The following GRHL2 variants were observed in gnomAD, a reference collection of about 807,000 sequenced individuals.
GRHL2 encodes grainyhead-like protein 2 homolog.
In GRHL2, 21 loss-of-function variants were observed where a neutral mutation model predicts 83.8. That is an observed-to-expected ratio of 0.25 (90% CI 0.18 to 0.36). The LOEUF (loss-of-function observed/expected upper bound fraction) is 0.36. GRHL2 is among the 10% of genes least tolerant of loss of function. The pLI is 1.00. For synonymous variants in GRHL2, 280 were observed against 278.9 expected (o/e 1.00, Z -0.04); for missense variants, 623 against 781.8 (o/e 0.80, Z 2.42).
chr8:101,624,179 CACAGTACACAGTAGG>C (rs1813028565), intron 9 of GRHL2, among the ~76,000 whole-genome samples: 1 of 121,370 alleles, frequency 8.2e-6, no homozygotes. Context: ...GTTCACAGTA[CACAGTACACAGTAGG>C]ACAGTACACA....
Position 101,519,980 on chromosome 8 carries a change from A to T in GRHL2, c.21-23261A>T, listed in dbSNP as rs540363645. Among the ~76,000 whole-genome samples, 3 of 152,342 alleles carry T rather than the reference A, an allele frequency of 2.0e-5. No homozygotes were observed. The South Asian group carries it at 6.2e-4, about 32-fold the overall frequency. On this transcript the variant is annotated intron_variant, in intron 1 of 15. Coordinates refer to ENST00000646743, the MANE Select transcript of GRHL2 (RefSeq NM_024915.4). ...TCCATTAGAAGCCCATCTAAATTTT[A>T]ATCAGGCAAACTCAAGTTTAATTGG...
chr8:101,585,298 TAACTC>T (rs1333740652), intron 7 of GRHL2, among the ~76,000 whole-genome samples: 1 of 152,216 alleles, frequency 6.6e-6, no homozygotes, highest in African/African-American at 2.4e-5. Flanking sequence ...CCTTTAAAAA[TAACTC>T]AAGTAAATAG....
chr8:101,548,339 C>T (rs1034355207), intron 2 of GRHL2, among the ~76,000 whole-genome samples: 1 of 152,188 alleles, frequency 6.6e-6, no homozygotes, highest in African/African-American at 2.4e-5. Flanking sequence ...AAACCTATAA[C>T]CATGGTTTAT....
the GRHL2 span, among the ~76,000 whole-genome samples, chr8:101,674,961 A>C: frequency 2.6e-4 from 40 of 152,192 alleles, no homozygotes; most frequent in Non-Finnish European, 5.0e-4. Context: ...CAAAAACCAC[A>C]TGATTATCTC....
At chr8:101,563,718 T>TG (rs199699112) in intron 4 of GRHL2, among the ~76,000 whole-genome samples, 10 of 151,640 alleles carry the variant, frequency 6.6e-5, no homozygotes, top group African/African-American at 2.4e-4. Context: ...TATTTTTTTT[T>TG]TGTTTTTTTT....
In GRHL2 at chr8:101,563,717, T is replaced by G. The variant is rs145014419; in HGVS notation, c.678+4905T>G. On this transcript the variant is annotated intron_variant, in intron 4 of 15. Coordinates refer to ENST00000646743, the MANE Select transcript of GRHL2 (RefSeq NM_024915.4). ...AAATAGTTAGCAAACTTATTTTTTT[T>G]TTGTTTTTTTTTGTTTTTTTGTTTT... Among the ~76,000 whole-genome samples, 231 of 151,770 alleles carry G rather than the reference T, an allele frequency of 1.5e-3. 3 individuals are homozygous for G. The highest frequency in any genetic ancestry group is 4.9e-3 in the African/African-American group (201 of 41,144).
intron 1 of GRHL2, among the ~76,000 whole-genome samples, chr8:101,527,752 C>T (rs928263539): frequency 3.9e-5 from 6 of 152,150 alleles, no homozygotes; most frequent in African/African-American, 1.4e-4. Context: ...TGAGTGGAAT[C>T]GTTTTTGAAT....
At chr8:101,594,808 T>C (rs1437453669) in intron 7 of GRHL2, among the ~76,000 whole-genome samples, 2 of 152,218 alleles carry the variant, frequency 1.3e-5, no homozygotes, top group Non-Finnish European at 2.9e-5. Flanking sequence ...CCTATGAGTA[T>C]GATATTAAGA....
At chr8:101,606,733 C>T (rs1269247203) in intron 8 of GRHL2, among the ~76,000 whole-genome samples, 4 of 152,158 alleles carry the variant, frequency 2.6e-5, no homozygotes, top group African/African-American at 9.7e-5. Flanking sequence ...ATAGAAAACC[C>T]AGCTCTCTTC....
intron 4 of GRHL2, among the ~76,000 whole-genome samples, chr8:101,565,237 G>A (rs935414023): frequency 1.3e-5 from 2 of 152,008 alleles, no homozygotes; most frequent in African/African-American, 2.4e-5. Flanking sequence ...CAATGGAGTG[G>A]TATTTAAGAC....
At chr8:101,502,429 AC>A (rs1810249386) in intron 1 of GRHL2, among the ~76,000 whole-genome samples, 1 of 152,166 alleles carries the variant, frequency 6.6e-6, no homozygotes, top group Non-Finnish European at 1.5e-5. Context: ...CAGATGGCAG[AC>A]TTTTGGAAGG....
chr8:101,655,459 G>A (rs1367119267), intron 14 of GRHL2, among the ~76,000 whole-genome samples: 1 of 152,158 alleles, frequency 6.6e-6, no homozygotes, highest in South Asian at 2.1e-4. Context: ...CAACAAAGAG[G>A]AATGTAATTA....
Position 101,619,540 on chromosome 8 carries a change from T to C in GRHL2, c.1100T>C (p.Ile367Thr). ...FTWDVNEEAK[I>T]FITVNCLSTD... is the part of the protein sequence containing the mutation. ...ACTTTTTCTTTCTCTTTCCCTCAGA[T>C]TTTCATCACCGTGAATTGCTTGAGC... The change falls in exon 9 of 16, where the codon ATT (isoleucine) becomes ACT (threonine). Residue 367 changes from isoleucine to threonine, a missense_variant and splice_region_variant. Transcript: ENST00000646743. 6.2e-7 allele frequency: 1 copy of C among 1,613,778 alleles called. No homozygotes were observed. Among genetic ancestry groups the C allele is most frequent in the Non-Finnish European group, 8.5e-7 (1 of 1,179,850 alleles).
At chr8:101,522,032 G>C (rs1323947179) in intron 1 of GRHL2, among the ~76,000 whole-genome samples, 3 of 152,156 alleles carry the variant, frequency 2.0e-5, no homozygotes, top group Non-Finnish European at 4.4e-5. Flanking sequence ...TTGGTAGGAA[G>C]CTGTTTGTAA....
chr8:101,552,900 T>C (rs1050260484), intron 3 of GRHL2, 118 bp downstream of exon 3: 17 of 968,924 alleles, frequency 1.8e-5, no homozygotes, highest in Non-Finnish European at 2.4e-5. Flanking sequence ...ATCATCTATC[T>C]GTCTTTTGAG....
intron 1 of GRHL2, among the ~76,000 whole-genome samples, chr8:101,493,740 G>A (rs1810026705): frequency 1.3e-5 from 2 of 152,068 alleles, no homozygotes; most frequent in Non-Finnish European, 2.9e-5. Context: ...GCTCGGGGCG[G>A]CGGGAACGCT....
chr8:101,492,570 C>T lies in GRHL2; in HGVS notation c.-200C>T, dbSNP rs1171333245. On this transcript the variant is annotated 5_prime_UTR_variant, in exon 1 of 16. Coordinates refer to ENST00000646743, the MANE Select transcript of GRHL2 (RefSeq NM_024915.4). ...CCCCATGTGAGGGGCCCCCCCTTAT[C>T]CCACCTTTCCGGCTAGGTGAGGGCG... is the stretch of plus-strand genomic sequence containing the variant. 1.5e-6 allele frequency: 1 copy of T among 677,498 alleles called. No homozygotes were observed. Among genetic ancestry groups the T allele is most frequent in the African/African-American group, 1.8e-5 (1 of 56,302 alleles). 42.0% of individuals were successfully genotyped at this position (677,498 alleles called of 1,614,324 possible).
intron 8 of GRHL2, among the ~76,000 whole-genome samples, chr8:101,604,648 A>G (rs2130328484): frequency 6.6e-6 from 1 of 152,142 alleles, no homozygotes; most frequent in Non-Finnish European, 1.5e-5. Context: ...TCTATGCTTC[A>G]CCCTTCCTTG....
chr8:101,602,378 G>A (rs932854286), intron 8 of GRHL2, among the ~76,000 whole-genome samples: 9 of 152,182 alleles, frequency 5.9e-5, no homozygotes, highest in East Asian at 3.8e-4. Flanking sequence ...TCAAATTCCC[G>A]TTGGTAACGT....
Sources: allele counts gnomAD v4.1 joint callset (sites outside exome capture counted in the v4.1 genomes callset), GRCh38; gene constraint gnomAD v4.1.1; transcripts MANE v1.5; gene names NCBI Gene and HGNC (gene_info 2026-07-23, HGNC 2026-07-21).